Variants in HARBI1 observed in about 807,000 individuals in gnomAD.
HARBI1 encodes the protein harbinger transposase derived 1.
In HARBI1, 15 loss-of-function variants were observed where a neutral mutation model predicts 25.3. The observed-to-expected ratio is 0.59, with a 90% confidence interval of 0.40 to 0.91. The LOEUF is 0.91. Ranked by LOEUF, HARBI1 falls within the 40% of genes least tolerant of loss-of-function variation. The pLI is 0.00. For missense variants in HARBI1, 396 were observed against 445.8 expected (o/e 0.89, Z 1.01); for synonymous variants, 168 against 160.5 (o/e 1.05, Z -0.35).
At chr11:46,616,844 A>C (rs1485435342) in intron 1 of HARBI1, 39 of 826,812 alleles carry the variant, frequency 4.7e-5, no homozygotes, top group South Asian at 1.2e-4. Flanking sequence ...AAAAAAAAAA[A>C]AAAAAAAAAA....
At chr11:46,617,776 G>C (rs1215268088), upstream of HARBI1, 6 of 398,914 alleles carry the variant, frequency 1.5e-5, no homozygotes, top group Admixed American at 1.3e-4. Flanking sequence ...CGACGTGTAC[G>C]GTCACTGCAG....
chr11:46,615,807 A>T lies in HARBI1; in HGVS notation c.431T>A (p.Val144Glu), dbSNP rs1273541196. The T allele has an allele frequency of 6.8e-6, 11 of 1,613,930 alleles. No homozygotes were observed. Among genetic ancestry groups the T allele is most frequent in the Non-Finnish European group, 9.3e-6 (11 of 1,179,962 alleles). ...ATGGATACAGTCAACCACCCCCATC[A>T]CCCCTGGCATCCCTGCCAACCCATA... ...EFYGLAGMPG[V>E]MGVVDCIHVA... is the part of the protein sequence containing the mutation. The change falls in exon 2 of 3, where the codon GTG becomes GAG. Residue 144 changes from valine (V) to glutamate (E), a missense_variant. Val to Glu is a moderately radical substitution (Grantham distance 121). Coordinates refer to ENST00000326737, the MANE Select transcript of HARBI1 (RefSeq NM_173811.4).
In HARBI1 at chr11:46,609,637, T is replaced by G. The variant is rs912350756; in HGVS notation, c.671-5728A>C. On this transcript the variant is annotated intron_variant, in intron 2 of 2. Coordinates refer to ENST00000326737, the MANE Select transcript of HARBI1 (RefSeq NM_173811.4). The stretch of plus-strand genomic sequence containing the variant: ...GCCTGAGGAAATCAGTTTCCACATC[T>G]TCAACTTCCACAGGTATATTCCAAG... 5.8e-5 allele frequency among the ~76,000 whole-genome samples: 6 copies of G among 102,866 alleles called. 1 individual carries two copies. The highest frequency in any genetic ancestry group is 3.9e-4 in the African/African-American group (6 of 15,374). The allele number at this position is 102,866 out of a possible 152,430, so 67.5% of individuals were successfully genotyped here. A position where few individuals can be genotyped will look rare whatever the true frequency, so the allele number is the denominator to read the frequency against.
chr11:46,610,399 G>C (rs926728577), intron 2 of HARBI1, among the ~76,000 whole-genome samples: 20 of 150,856 alleles, frequency 1.3e-4, no homozygotes, highest in African/African-American at 4.9e-4. Context: ...GTGGGCTCAC[G>C]CCTGTAATCC....
At chr11:46,607,007 G>C (rs1389479970) in intron 2 of HARBI1, among the ~76,000 whole-genome samples, 1 of 152,158 alleles carries the variant, frequency 6.6e-6, no homozygotes, top group African/African-American at 2.4e-5. Context: ...GCTCACACCT[G>C]TAATCCCAGC....
intron 1 of HARBI1, chr11:46,616,831 CAAAAAAAA>C (rs749013239): frequency 1.4e-4 from 87 of 605,032 alleles, no homozygotes; most frequent in Non-Finnish European, 1.5e-4. Flanking sequence ...AAAGAAGGGG[CAAAAAAAA>C]AAAAAAAAAA....
Position 46,616,004 on chromosome 11 carries a change from A to G in HARBI1, c.234T>C (p.Gly78=). The G allele has an allele frequency of 6.2e-7, 1 of 1,614,092 alleles. No homozygotes were observed. Among genetic ancestry groups the G allele is most frequent in the Non-Finnish European group, 8.5e-7 (1 of 1,180,016 alleles). ...TCTGGAAGGAACCTGAGGTATAAAA[A>G]CCCAATGCTGCAAGGACCTGTGTCT... ...SPETQVLAAL[G]FYTSGSFQTR... Residue 78 remains glycine, a synonymous_variant, in exon 2 of 3, where the codon GGT becomes GGC. Transcript: ENST00000326737.
intron 2 of HARBI1, among the ~76,000 whole-genome samples, chr11:46,607,860 G>T (rs547523665): frequency 1.3e-5 from 2 of 150,308 alleles, no homozygotes; most frequent in Non-Finnish European, 2.9e-5. Context: ...CATTCTGAAG[G>T]GACAGATGAG....
chr11:46,609,818 C>T (rs1270053149), intron 2 of HARBI1, among the ~76,000 whole-genome samples: 1 of 146,310 alleles, frequency 6.8e-6, no homozygotes, highest in African/African-American at 2.5e-5. Context: ...GAGACCCAGA[C>T]TCTACAAAAA....
At chr11:46,610,250 G>T (rs963314426) in intron 2 of HARBI1, among the ~76,000 whole-genome samples, 1 of 151,970 alleles carries the variant, frequency 6.6e-6, no homozygotes, top group African/African-American at 2.4e-5. Context: ...AGCCCAGGAG[G>T]TCAAGGCTTC....
chr11:46,604,937 C>T (rs181181152), intron 2 of HARBI1, among the ~76,000 whole-genome samples: 267 of 152,228 alleles, frequency 1.8e-3, no homozygotes, highest in Non-Finnish European at 3.1e-3. Flanking sequence ...GCTAACAAAA[C>T]AACAACAACA....
intron 2 of HARBI1, 65 bp from the exon 3 acceptor site, chr11:46,603,974 C>A: frequency 6.6e-7 from 1 of 1,513,932 alleles, no homozygotes; most frequent in South Asian, 1.3e-5. Flanking sequence ...AAGTGAAATT[C>A]AGAAAACATA....
Position 46,603,693 on chromosome 11 carries a change from C to A in HARBI1, c.887G>T (p.Cys296Phe). Residue 296 changes from cysteine to phenylalanine, a missense_variant, in exon 3 of 3, where the codon TGT (cysteine) becomes TTT (phenylalanine). Transcript: ENST00000326737. The stretch of plus-strand genomic sequence containing the variant: ...CTCCAGGGAGATGTTGTGGAGGACA[C>A]AACAGGCCAAGATGATATGGCTGGA... ...EKSSHIILAC[C>F]VLHNISLEHG... 2 of 1,614,168 alleles carry A rather than the reference C, an allele frequency of 1.2e-6. No individual in the cohort carries two copies. The highest frequency in any genetic ancestry group is 2.2e-5 in the South Asian group (2 of 91,088).
rs905304112 is a variant in HARBI1, at chr11:46,603,464, A to G, written c.*66T>C. ...GTCATGCTAGATGATGGAACTGTGT[A>G]AAAGGTGATGAGGAGGAAAGTCTGT... On this transcript the variant is annotated 3_prime_UTR_variant, in exon 3 of 3. Coordinates refer to ENST00000326737, the MANE Select transcript of HARBI1 (RefSeq NM_173811.4). 1.5e-5 allele frequency: 20 copies of G among 1,371,862 alleles called. No homozygotes were observed. Among genetic ancestry groups the G allele is most frequent in the Non-Finnish European group, 1.8e-5 (18 of 997,646 alleles). The allele number at this position is 1,371,862 out of a possible 1,614,324, so 85.0% of individuals were successfully genotyped here. A position where few individuals can be genotyped will look rare whatever the true frequency, so the allele number is the denominator to read the frequency against.
intron 2 of HARBI1, among the ~76,000 whole-genome samples, chr11:46,607,638 C>A (rs1316155555): frequency 2.0e-5 from 3 of 152,068 alleles, no homozygotes; most frequent in African/African-American, 7.2e-5. Flanking sequence ...GGTTATAAAC[C>A]AAGCACTACT....
chr11:46,607,535 T>C (rs1260896228), intron 2 of HARBI1, among the ~76,000 whole-genome samples: 3 of 152,128 alleles, frequency 2.0e-5, no homozygotes, highest in Non-Finnish European at 4.4e-5. Context: ...CTTGTTAAAG[T>C]TTCTCTAAGA....
chr11:46,607,643 A>G (rs1388812365), intron 2 of HARBI1, among the ~76,000 whole-genome samples: 1 of 152,186 alleles, frequency 6.6e-6, no homozygotes, highest in Non-Finnish European at 1.5e-5. Context: ...TAAACCAAGC[A>G]CTACTGGAAA....
chr11:46,616,158 A>ATTGGACC lies in HARBI1; in HGVS notation c.79_80insGGTCCAA (p.Leu27ArgfsTer5). ...CAAGTATTCATCAGTCACATCATCC[A>ATTGGACC]GCTTAAAACGGTCCAATGTCCGGTG... On this transcript the variant is annotated frameshift_variant, in exon 2 of 3. Coordinates refer to ENST00000326737, the MANE Select transcript of HARBI1 (RefSeq NM_173811.4). LOFTEE classifies it high-confidence loss of function. The ATTGGACC allele has an allele frequency of 6.2e-7, 1 of 1,614,090 alleles. No homozygotes were observed. The highest frequency in any genetic ancestry group is 8.5e-7 in the Non-Finnish European group (1 of 1,180,022).
intron 2 of HARBI1, among the ~76,000 whole-genome samples, chr11:46,609,131 C>A (rs751404880): frequency 2.6e-5 from 4 of 151,982 alleles, no homozygotes; most frequent in Non-Finnish European, 5.9e-5. Context: ...ACCATCTTGG[C>A]CAGGCTGGTC....
Sources: allele counts gnomAD v4.1 joint callset (sites outside exome capture counted in the v4.1 genomes callset), GRCh38; gene constraint gnomAD v4.1.1; transcripts MANE v1.5; gene names NCBI Gene and HGNC (gene_info 2026-07-23, HGNC 2026-07-21).